Variants in HSPA12A observed in about 807,000 individuals in gnomAD.
HSPA12A encodes the protein heat shock protein family A (Hsp70) member 12A.
Under a neutral mutation model 69.2 loss-of-function variants are expected in HSPA12A, and 28 were observed. That is an observed-to-expected ratio of 0.40 (90% CI 0.30 to 0.55). The LOEUF is 0.55. Among genes scored for constraint, HSPA12A ranks in the 20% least tolerant of loss-of-function variants. The probability of loss-of-function intolerance (pLI) is 0.38; values close to 1 mark genes in which losing one functional copy is unlikely to be tolerated. For missense variants in HSPA12A, 686 were observed against 900.7 expected (o/e 0.76, Z 3.05); for synonymous variants, 345 against 370.5 (o/e 0.93, Z 0.79).
At chr10:116,690,572 C>T (rs1849707031) in intron 6 of HSPA12A, among the ~76,000 whole-genome samples, 1 of 152,192 alleles carries the variant, frequency 6.6e-6, no homozygotes, top group African/African-American at 2.4e-5. Context: ...TCTGGACTTC[C>T]GAAAGCAAAT....
At chr10:116,706,933 C>T (rs550512850) in intron 2 of HSPA12A, among the ~76,000 whole-genome samples, 1 of 152,252 alleles carries the variant, frequency 6.6e-6, no homozygotes, top group East Asian at 1.9e-4. Context: ...CTTCTGTGAC[C>T]CACCCAGGCC....
At chr10:116,759,043 T>C (rs1339072164) in intron 2 of HSPA12A, among the ~76,000 whole-genome samples, 1 of 152,236 alleles carries the variant, frequency 6.6e-6, no homozygotes, top group Non-Finnish European at 1.5e-5. Flanking sequence ...ACTCAGGACC[T>C]GAAGAAACAG....
At chr10:116,680,562 T>C (rs1381447348) in intron 9 of HSPA12A, among the ~76,000 whole-genome samples, 1 of 152,344 alleles carries the variant, frequency 6.6e-6, no homozygotes, top group Admixed American at 6.5e-5. Flanking sequence ...GTCTGCTCAC[T>C]GCAACCTCTG....
chr10:116,819,514 T>C (rs1181383796), intron 2 of HSPA12A, among the ~76,000 whole-genome samples: 1 of 152,172 alleles, frequency 6.6e-6, no homozygotes, highest in Non-Finnish European at 1.5e-5. Context: ...CTGACGGAGC[T>C]TGTTCATGTG....
chr10:116,692,478 G>C lies in HSPA12A; in HGVS notation c.547-11C>G, dbSNP rs1554880281. The stretch of plus-strand genomic sequence containing the variant: ...CTGGTCACTCAGCTCCTGAAGCCAA[G>C]GGAAAGAAATGCAACAGGTCAAGTG... On this transcript the variant is annotated splice_polypyrimidine_tract_variant and intron_variant, in intron 5 of 11. Transcript: ENST00000369209. 1 of 1,607,296 alleles carries C rather than the reference G, an allele frequency of 6.2e-7. No homozygotes were observed. The highest frequency in any genetic ancestry group is 1.7e-5 in the Admixed American group (1 of 59,968).
chr10:116,690,690 C>T (rs1365484596), intron 6 of HSPA12A, among the ~76,000 whole-genome samples: 1 of 152,152 alleles, frequency 6.6e-6, no homozygotes, highest in Non-Finnish European at 1.5e-5. Context: ...GATTTGGTGC[C>T]CTCCACTGTG....
chr10:116,676,042 G>A lies in HSPA12A; in HGVS notation c.1390+357C>T, dbSNP rs532345342. Among the ~76,000 whole-genome samples the A allele has an allele frequency of 3.3e-5, 5 of 152,332 alleles. No homozygotes were observed. The South Asian group carries it at 8.3e-4, about 25-fold the overall frequency. ...CATTTCCTAGGGCCTGCCACTCTCA[G>A]GTAACATTGCCTCAGAGCTTCCAGC... is the stretch of plus-strand genomic sequence containing the variant. On this transcript the variant is annotated intron_variant, in intron 11 of 11. Transcript: ENST00000369209.
chr10:116,819,959 T>C (rs1288796845), intron 2 of HSPA12A, among the ~76,000 whole-genome samples: 1 of 152,156 alleles, frequency 6.6e-6, no homozygotes, highest in Non-Finnish European at 1.5e-5. Flanking sequence ...CCTGAGTAGC[T>C]GGGACTACAG....
intron 6 of HSPA12A, among the ~76,000 whole-genome samples, chr10:116,689,149 G>A (rs1027358908): frequency 2.0e-5 from 3 of 152,054 alleles, no homozygotes; most frequent in Non-Finnish European, 4.4e-5. Flanking sequence ...CAGAACTCCA[G>A]ACCTGCTCCT....
In HSPA12A at chr10:116,686,306, GAC is replaced by G. The variant is rs1832525420; in HGVS notation, c.664-2346_664-2345del. Among the ~76,000 whole-genome samples the G allele has an allele frequency of 6.6e-6, 1 of 152,182 alleles. No homozygotes were observed. Among genetic ancestry groups the G allele is most frequent in the South Asian group, 2.1e-4 (1 of 4,828 alleles). On this transcript the variant is annotated intron_variant, in intron 6 of 11. Coordinates refer to ENST00000369209, the MANE Select transcript of HSPA12A (RefSeq NM_025015.3). This position sits in a 1 kb window ranked among gnomAD's most constrained non-coding sequence, Gnocchi z 4.1. ...AGACCAAGAGGGGCCCCTTCCGAGG[GAC>G]AGCTCCTGTGCTGATTCTTCCATCC...
chr10:116,843,875 T>C (rs1845840623), intron 1 of HSPA12A, among the ~76,000 whole-genome samples: 1 of 152,202 alleles, frequency 6.6e-6, no homozygotes. Context: ...ACAATATGTC[T>C]CTTCGTGGTG....
At chr10:116,767,126 G>A (rs1554889860) in intron 2 of HSPA12A, among the ~76,000 whole-genome samples, 2 of 152,170 alleles carry the variant, frequency 1.3e-5, no homozygotes, top group African/African-American at 4.8e-5. Flanking sequence ...GTTCTAGCAG[G>A]TTCCTGATGA....
At chr10:116,806,182 C>T (rs1399135816) in intron 2 of HSPA12A, among the ~76,000 whole-genome samples, 1 of 152,186 alleles carries the variant, frequency 6.6e-6, no homozygotes, top group Non-Finnish European at 1.5e-5. Context: ...TGGAATTCTA[C>T]AGGAAGACAC....
At chr10:116,761,362 T>C (rs1843967465) in intron 2 of HSPA12A, among the ~76,000 whole-genome samples, 1 of 151,976 alleles carries the variant, frequency 6.6e-6, no homozygotes, top group African/African-American at 2.4e-5. Flanking sequence ...GGCGCACACC[T>C]GTAGTCCCAG....
At chr10:116,823,330 G>C (rs1357932304) in intron 2 of HSPA12A, among the ~76,000 whole-genome samples, 1 of 152,184 alleles carries the variant, frequency 6.6e-6, no homozygotes, top group Non-Finnish European at 1.5e-5. Context: ...CCAGGTTCAT[G>C]GATGAGAAGA....
intron 2 of HSPA12A, among the ~76,000 whole-genome samples, chr10:116,796,209 T>G (rs1471147592): frequency 6.8e-6 from 1 of 146,426 alleles, no homozygotes; most frequent in Non-Finnish European, 1.5e-5. Flanking sequence ...CAATATAAAA[T>G]AATACTTCAT....
chr10:116,783,397 G>A (rs987695631), intron 2 of HSPA12A, among the ~76,000 whole-genome samples: 1 of 152,226 alleles, frequency 6.6e-6, no homozygotes, highest in Admixed American at 6.5e-5. Context: ...GAGGGACAGA[G>A]CCTGACTCAT....
chr10:116,696,626 T>C lies in HSPA12A; in HGVS notation c.546+2009A>G, dbSNP rs1849913339. 2.6e-5 allele frequency among the ~76,000 whole-genome samples: 4 copies of C among 152,230 alleles called. No homozygotes were observed. The South Asian group carries it at 8.3e-4, about 32-fold the overall frequency. The stretch of plus-strand genomic sequence containing the variant: ...ATTAGAACAGACTAATACAACACTC[T>C]ACTACTATCCCGGTGGCCACGTCAC... On this transcript the variant is annotated intron_variant, in intron 5 of 11. Coordinates refer to ENST00000369209, the MANE Select transcript of HSPA12A (RefSeq NM_025015.3).
At chr10:116,762,658 A>G (rs181646002) in intron 2 of HSPA12A, among the ~76,000 whole-genome samples, 2 of 152,230 alleles carry the variant, frequency 1.3e-5, no homozygotes, top group Non-Finnish European at 2.9e-5. Flanking sequence ...GTCTCGGCTC[A>G]CTACAACCTT....
Sources: allele counts gnomAD v4.1 joint callset (sites outside exome capture counted in the v4.1 genomes callset), GRCh38; gene constraint gnomAD v4.1.1; non-coding constraint Gnocchi (gnomAD v3.1); transcripts MANE v1.5; gene names NCBI Gene and HGNC (gene_info 2026-07-23, HGNC 2026-07-21).